RELCH: variants seen among roughly 807,000 people sequenced by gnomAD.
The protein encoded by RELCH is RAB11 binding and LisH domain, coiled-coil and HEAT repeat containing.
Under a neutral mutation model 150.3 loss-of-function variants are expected in RELCH, and 41 were observed. The observed-to-expected ratio is 0.27, with a 90% CI of 0.21 to 0.35. The LOEUF is 0.35. Among genes scored for constraint, RELCH ranks in the 10% least tolerant of loss-of-function variants. The pLI is 1.00. For synonymous variants in RELCH, 478 were observed against 531.8 expected, an observed-to-expected ratio of 0.90 and a Z score of 1.39; for missense variants, 1,092 against 1,467.8, an observed-to-expected ratio of 0.74 and a Z score of 4.18.
chr18:62,214,888 T>TA (rs1233818307), intron 2 of RELCH, among the ~76,000 whole-genome samples: 1 of 152,074 alleles, frequency 6.6e-6, no homozygotes, highest in Non-Finnish European at 1.5e-5. Context: ...AAAACTACTC[T>TA]ACCCCCCTAG....
intron 1 of RELCH, among the ~76,000 whole-genome samples, chr18:62,189,275 G>GTTT (rs200508195): frequency 3.1e-5 from 4 of 130,340 alleles, no homozygotes; most frequent in African/African-American, 1.1e-4. Flanking sequence ...TTTTTTTGTT[G>GTTT]TTTTTTTTTT....
chr18:62,198,846 T>C (rs1274828588), intron 1 of RELCH, among the ~76,000 whole-genome samples: 1 of 152,066 alleles, frequency 6.6e-6, no homozygotes, highest in Non-Finnish European at 1.5e-5. Context: ...AGGAATTTTT[T>C]AATTTCTTCT....
chr18:62,225,439 A>AAT (rs1425228218), intron 5 of RELCH, among the ~76,000 whole-genome samples: 9 of 152,194 alleles, frequency 5.9e-5, no homozygotes, highest in Admixed American at 4.6e-4. Flanking sequence ...AACATATCTA[A>AAT]TAAAGGAGTT....
chr18:62,207,343 A>G (rs60378323), intron 1 of RELCH, among the ~76,000 whole-genome samples: 1,782 of 152,242 alleles, frequency 0.012, 27 homozygotes, highest in East Asian at 0.052. Context: ...CATCCTTTTT[A>G]TTGCTGAATA....
intron 25 of RELCH, among the ~76,000 whole-genome samples, chr18:62,286,169 A>G (rs2044779913): frequency 6.6e-6 from 1 of 152,200 alleles, no homozygotes; most frequent in African/African-American, 2.4e-5. Context: ...AGATAAAGTG[A>G]AAGAATGATA....
chr18:62,230,529 C>T (rs2041506515), intron 8 of RELCH, among the ~76,000 whole-genome samples: 1 of 151,976 alleles, frequency 6.6e-6, no homozygotes, highest in Non-Finnish European at 1.5e-5. Context: ...ACATAAAGTA[C>T]AACTCATAGT....
At chr18:62,281,263 T>C (rs2044502395) in intron 24 of RELCH, among the ~76,000 whole-genome samples, 1 of 152,240 alleles carries the variant, frequency 6.6e-6, no homozygotes, top group Non-Finnish European at 1.5e-5. Flanking sequence ...AAATTCTTGA[T>C]TGCCAGTGTT....
At chr18:62,279,505 T>C (rs1208700718) in intron 22 of RELCH, among the ~76,000 whole-genome samples, 1 of 152,210 alleles carries the variant, frequency 6.6e-6, no homozygotes, top group Non-Finnish European at 1.5e-5. Flanking sequence ...TGAAATTGCT[T>C]AGACTCTTTG....
intron 11 of RELCH, chr18:62,247,171 TTC>T (rs570736400): frequency 9.5e-4 from 144 of 152,342 alleles, no homozygotes; most frequent in African/African-American, 3.2e-3. Context: ...GATCAATTTC[TTC>T]TTATCAAAGA....
chr18:62,217,655 C>T (rs1385175305), intron 2 of RELCH, among the ~76,000 whole-genome samples: 2 of 151,906 alleles, frequency 1.3e-5, no homozygotes, highest in East Asian at 3.9e-4. Context: ...CTGGGTAGGT[C>T]GGTGTCTTGT....
At chr18:62,225,983 A>G (rs1162369759) in intron 5 of RELCH, among the ~76,000 whole-genome samples, 2 of 152,006 alleles carry the variant, frequency 1.3e-5, no homozygotes, top group Admixed American at 6.6e-5. Flanking sequence ...GGAGAAAGAT[A>G]CAAATTTCAT....
chr18:62,195,361 C>T (rs2038961782), intron 1 of RELCH, among the ~76,000 whole-genome samples: 2 of 150,806 alleles, frequency 1.3e-5, no homozygotes, highest in South Asian at 4.2e-4. Flanking sequence ...CCATTCAGTA[C>T]TTTGTTTTCT....
chr18:62,241,230 G>T (rs2042133066), intron 10 of RELCH, among the ~76,000 whole-genome samples: 1 of 152,024 alleles, frequency 6.6e-6, no homozygotes, highest in African/African-American at 2.4e-5. Context: ...TAATAAATCT[G>T]CCTTTCTTTA....
intron 27 of RELCH, among the ~76,000 whole-genome samples, chr18:62,298,276 C>T (rs1039461785): frequency 7.9e-5 from 12 of 152,116 alleles, no homozygotes; most frequent in African/African-American, 2.9e-4. Context: ...ACTCAGTCTC[C>T]CTGCAGGAAT....
At chr18:62,250,216 C>A (rs1407558153) in intron 11 of RELCH, among the ~76,000 whole-genome samples, 1 of 152,100 alleles carries the variant, frequency 6.6e-6, no homozygotes, top group Non-Finnish European at 1.5e-5. Flanking sequence ...AATATTAACT[C>A]TTCTAAGAAG....
intron 13 of RELCH, among the ~76,000 whole-genome samples, chr18:62,257,469 A>G (rs1234797087): frequency 6.6e-6 from 1 of 152,010 alleles, no homozygotes; most frequent in African/African-American, 2.4e-5. Context: ...TAATTGCCAG[A>G]GAGATTTTTG....
rs1482168248 is a variant in RELCH at position 62,307,768 on chromosome 18, C to A, written c.*2234C>A. On this transcript the variant is annotated 3_prime_UTR_variant, in exon 29 of 29. Transcript: ENST00000644646. Reference sequence around the variant, plus strand: ...ACTAAGTTTGCAAAGTAATGAAAAGCTAATTTGAAATTATACCTGTGTTTC... The same window carrying A: ...ACTAAGTTTGCAAAGTAATGAAAAGATAATTTGAAATTATACCTGTGTTTC... The A allele has an allele frequency of 6.6e-6, 1 of 152,116 alleles. No individual in the cohort carries two copies. The highest frequency in any genetic ancestry group is 1.5e-5 in the Non-Finnish European group (1 of 68,012). The allele number at this position is 152,116 out of a possible 1,614,324, so 9.4% of individuals were successfully genotyped here. A position where few individuals can be genotyped will look rare whatever the true frequency, so the allele number is the denominator to read the frequency against.
chr18:62,271,431 TG>T (rs1411766892), intron 20 of RELCH, among the ~76,000 whole-genome samples: 6 of 146,876 alleles, frequency 4.1e-5, no homozygotes, highest in African/African-American at 1.6e-4. Flanking sequence ...CACTTTTTGA[TG>T]GGGTTGTTTT....
chr18:62,229,230 G>T (rs2041402173), intron 8 of RELCH, among the ~76,000 whole-genome samples: 2 of 152,000 alleles, frequency 1.3e-5, no homozygotes, highest in African/African-American at 4.8e-5. Flanking sequence ...TTATATGTCA[G>T]ACAGAATCCT....
Sources: gnomAD v4.1 joint callset for allele counts (sites outside exome capture counted in the v4.1 genomes callset) on GRCh38, gnomAD v4.1.1 for gene constraint, MANE v1.5 for transcripts, NCBI Gene and HGNC (gene_info 2026-07-23, HGNC 2026-07-21) for gene names.